Variants in TXLNB observed in about 807,000 individuals in gnomAD.
The protein encoded by TXLNB is beta-taxilin.
A neutral mutation model predicts 57.4 loss-of-function variants in TXLNB; 37 were observed. The observed-to-expected ratio is 0.64, with a 90% CI of 0.50 to 0.85. The LOEUF (loss-of-function observed/expected upper bound fraction) is 0.85, where lower values mean the gene tolerates loss of function less well. Ranked by LOEUF, TXLNB falls within the 40% of genes least tolerant of loss-of-function variation. The pLI, the probability that TXLNB is intolerant of heterozygous loss-of-function variation, is 0.00. For synonymous variants in TXLNB, 302 were observed against 309.6 expected (o/e 0.98, Z 0.26); for missense variants, 848 against 825.6 (o/e 1.03, Z -0.33).
chr6:139,316,130 A>G, the TXLNB span, among the ~76,000 whole-genome samples: 9 of 152,234 alleles, frequency 5.9e-5, no homozygotes, highest in Non-Finnish European at 1.3e-4. Flanking sequence ...TCTATCTGTG[A>G]GGCAGTAGGT....
the TXLNB span, among the ~76,000 whole-genome samples, chr6:139,228,576 A>G: frequency 1.3e-5 from 2 of 151,552 alleles, no homozygotes; most frequent in Non-Finnish European, 2.9e-5. Flanking sequence ...AAAGACCAAC[A>G]TGTTCCAGGG....
downstream of TXLNB, chr6:139,239,697 T>C (rs1207390765): frequency 6.6e-6 from 1 of 152,206 alleles, no homozygotes; most frequent in Non-Finnish European, 1.5e-5. The surrounding 1 kb of genome is among the most constrained non-coding windows in gnomAD (Gnocchi z 4.7). Context: ...GGGGGTTTAC[T>C]ATGTTGCCCA....
chr6:139,247,788 A>G lies in TXLNB; in HGVS notation c.1170+29T>C, dbSNP rs776391391. Reference sequence around the variant, plus strand: ...TTGCCTGTCAAAATAGAAAATGTCAATATTTTGTTGGTGATAAGCAATACT... The same window carrying G: ...TTGCCTGTCAAAATAGAAAATGTCAGTATTTTGTTGGTGATAAGCAATACT... On this transcript the variant is annotated intron_variant, in intron 8 of 9. Coordinates refer to ENST00000358430, the MANE Select transcript of TXLNB (RefSeq NM_153235.4). The G allele has an allele frequency of 6.8e-6, 10 of 1,477,034 alleles. No homozygotes were observed. The South Asian group carries it at 9.8e-5, about 14-fold the overall frequency. The allele number at this position is 1,477,034 out of a possible 1,614,324, so 91.5% of individuals were successfully genotyped here.
chr6:139,239,429 GGTTTT>G (rs1775874402), downstream of TXLNB: 2 of 152,334 alleles, frequency 1.3e-5, no homozygotes, highest in Admixed American at 1.3e-4. The surrounding 1 kb of genome is among the most constrained non-coding windows in gnomAD (Gnocchi z 4.7). Flanking sequence ...GAGGAGTCTG[GGTTTT>G]GTTTTCTTAT....
chr6:139,300,961 C>G, the TXLNB span, among the ~76,000 whole-genome samples: 1 of 152,192 alleles, frequency 6.6e-6, no homozygotes, highest in Non-Finnish European at 1.5e-5. Flanking sequence ...AAAGGAAGCA[C>G]CACATCTCTT....
At chr6:139,180,804 A>G in the TXLNB span, 366 of 152,780 alleles carry the variant, frequency 2.4e-3, 2 homozygotes, top group African/African-American at 8.2e-3. Context: ...AGAAACTAAC[A>G]TTGTACTCTG....
chr6:139,179,754 T>G, the TXLNB span: 1 of 152,174 alleles, frequency 6.6e-6, no homozygotes, highest in Non-Finnish European at 1.5e-5. Context: ...AATTGGAATA[T>G]ATCAAAAAAG....
At chr6:139,296,764 A>G (rs1236350170), upstream of TXLNB, among the ~76,000 whole-genome samples, 1 of 152,118 alleles carries the variant, frequency 6.6e-6, no homozygotes, top group Admixed American at 6.5e-5. Flanking sequence ...GGAAACAAAC[A>G]AGCCAGGTGT....
the TXLNB span, among the ~76,000 whole-genome samples, chr6:139,303,469 T>C: frequency 5.3e-5 from 8 of 152,190 alleles, no homozygotes; most frequent in African/African-American, 1.9e-4. Context: ...GAAATGTTTA[T>C]GGCTCAGGAA....
the TXLNB span, among the ~76,000 whole-genome samples, chr6:139,307,829 T>G: frequency 6.6e-6 from 1 of 152,224 alleles, no homozygotes; most frequent in Admixed American, 6.5e-5. Flanking sequence ...TATCATTTTA[T>G]CTGTATAAAT....
chr6:139,321,654 T>C, the TXLNB span, among the ~76,000 whole-genome samples: 1 of 148,348 alleles, frequency 6.7e-6, no homozygotes, highest in South Asian at 2.2e-4. Flanking sequence ...TTTTTTTTTT[T>C]TGAGATGGAG....
chr6:139,317,401 T>C, the TXLNB span, among the ~76,000 whole-genome samples: 1 of 115,560 alleles, frequency 8.7e-6, no homozygotes, highest in Non-Finnish European at 1.6e-5. Context: ...AAGACAGAGG[T>C]TTTTTTTTTT....
chr6:139,222,663 G>A, the TXLNB span, among the ~76,000 whole-genome samples: 31 of 152,120 alleles, frequency 2.0e-4, no homozygotes, highest in Non-Finnish European at 3.4e-4. Flanking sequence ...AAAATTAGCC[G>A]GGCCTGGTGG....
the TXLNB span, among the ~76,000 whole-genome samples, chr6:139,191,858 C>T: frequency 6.6e-6 from 1 of 152,084 alleles, no homozygotes; most frequent in African/African-American, 2.4e-5. Flanking sequence ...CACTTGGCCT[C>T]CTAAGAAACA....
Position 139,240,765 on chromosome 6 carries a change from C to G in TXLNB, c.*1761G>C, listed in dbSNP as rs1010832020. The stretch of plus-strand genomic sequence containing the variant: ...GCAACTTTGTTATTATCCTCACTGT[C>G]TACTTCAAACAAACTGTATGCAGTT... On this transcript the variant is annotated 3_prime_UTR_variant, in exon 10 of 10. Transcript: ENST00000358430. 3 of 152,516 alleles carry G rather than the reference C, an allele frequency of 2.0e-5. No individual in the cohort carries two copies. The highest frequency in any genetic ancestry group is 6.5e-5 in the Admixed American group (1 of 15,288). The allele number at this position is 152,516 out of a possible 1,614,324, so 9.4% of individuals were successfully genotyped here. A position where few individuals can be genotyped will look rare whatever the true frequency, so the allele number is the denominator to read the frequency against.
chr6:139,322,590 C>G, the TXLNB span, among the ~76,000 whole-genome samples: 1 of 152,178 alleles, frequency 6.6e-6, no homozygotes. Flanking sequence ...TGGACTCATG[C>G]CTGACTCCTC....
At chr6:139,218,525 G>C in the TXLNB span, among the ~76,000 whole-genome samples, 1 of 152,126 alleles carries the variant, frequency 6.6e-6, no homozygotes, top group Non-Finnish European at 1.5e-5. Flanking sequence ...GGCCAAGGTG[G>C]GTGGATCATC....
Position 139,270,488 on chromosome 6 carries a change from G to A in TXLNB, c.655C>T (p.Arg219Trp), listed in dbSNP as rs752988509. Residue 219 changes from arginine (R) to tryptophan (W), a missense_variant, in exon 4 of 10, where the codon CGG (arginine) becomes TGG (tryptophan). Coordinates refer to ENST00000358430, the MANE Select transcript of TXLNB (RefSeq NM_153235.4). ...GTCTTGTTGTGTCTCTGCAGCTCCC[G>A]GCACAGACTCTCCAATTTGCTTCGA... The part of the protein sequence containing the change: ...LARSKLESLC[R>W]ELQRHNKTLK... The A allele has an allele frequency of 2.7e-5, 43 of 1,614,030 alleles. No individual in the cohort carries two copies. In the East Asian group the frequency reaches 3.8e-4, roughly 14 times the overall value.
At chr6:139,258,455 T>C (rs1481641065) in intron 6 of TXLNB, among the ~76,000 whole-genome samples, 3 of 152,246 alleles carry the variant, frequency 2.0e-5, no homozygotes. Context: ...TTTTATTTCT[T>C]GCTTTCAGAG....
Sources: allele counts gnomAD v4.1 joint callset (sites outside exome capture counted in the v4.1 genomes callset), GRCh38; gene constraint gnomAD v4.1.1; non-coding constraint Gnocchi (gnomAD v3.1); transcripts MANE v1.5; gene names NCBI Gene and HGNC (gene_info 2026-07-23, HGNC 2026-07-21).